The following ASB4 variants were observed in gnomAD, a reference collection of about 807,000 sequenced individuals.
ASB4 encodes the protein ankyrin repeat and SOCS box containing 4, also known as ankyrin repeat and SOCS box protein 4.
ASB4 carries 35 observed loss-of-function variants against 38.6 expected under a neutral mutation model. The observed-to-expected ratio is 0.91, with a 90% CI of 0.69 to 1.20. The LOEUF (loss-of-function observed/expected upper bound fraction) is 1.20. Among genes scored for constraint, ASB4 ranks in the 50% most tolerant of loss-of-function variants. ASB4 has a pLI of 0.00. For synonymous variants in ASB4, 195 were observed against 201.3 expected, an observed-to-expected ratio of 0.97 and a Z score of 0.26; for missense variants, 557 against 527.2, an observed-to-expected ratio of 1.06 and a Z score of -0.55.
the ASB4 span, among the ~76,000 whole-genome samples, chr7:95,545,860 A>T: frequency 6.6e-6 from 1 of 152,230 alleles, no homozygotes; most frequent in Non-Finnish European, 1.5e-5. Flanking sequence ...GCAATGCCAG[A>T]GAAGCCTAAT....
At chr7:95,495,674 T>A in intron 1 of ASB4, 84 bp from the exon 2 acceptor site, 1 of 1,380,744 alleles carries the variant, frequency 7.2e-7, no homozygotes, top group Non-Finnish European at 9.8e-7. Context: ...CAAAATAAAA[T>A]ACTTGTAAAA....
upstream of ASB4, chr7:95,478,357 GAGACCTGGAA>G (rs937146580): frequency 3.9e-5 from 6 of 152,194 alleles, no homozygotes; most frequent in African/African-American, 1.4e-4. Context: ...CAGTTGCTAG[GAGACCTGGAA>G]CACAGAGCTA....
chr7:95,515,368 CTTTCTTTCT>C (rs1322230387), intron 2 of ASB4, among the ~76,000 whole-genome samples: 2 of 71,950 alleles, frequency 2.8e-5, no homozygotes, highest in East Asian at 2.8e-4. Context: ...TCTTTCTTTT[CTTTCTTTCT>C]TTTCTTTTCT....
intron 1 of ASB4, among the ~76,000 whole-genome samples, chr7:95,490,067 A>G (rs149041181): frequency 2.0e-5 from 3 of 152,328 alleles, no homozygotes; most frequent in African/African-American, 7.2e-5. Context: ...TAATCAGGGT[A>G]ATGCACTTTA....
In ASB4 at chr7:95,528,108, G is replaced by T; in HGVS notation, c.783G>T (p.Trp261Cys). 1 of 1,614,202 alleles carries T rather than the reference G, an allele frequency of 6.2e-7. No homozygotes were observed. The highest frequency in any genetic ancestry group is 8.5e-7 in the Non-Finnish European group (1 of 1,180,040). ...DFKSPLHKAAWNCDHVLMHMM... is the reference protein window; with the variant it reads ...DFKSPLHKAACNCDHVLMHMM... ...AATCTCCCCTCCACAAGGCAGCCTG[G>T]AACTGTGACCACGTGCTCATGCACA... Residue 261 changes from tryptophan (W) to cysteine (C), a missense_variant, in exon 3 of 5, where the codon TGG (tryptophan) becomes TGT (cysteine). By Grantham distance (215) the Trp-to-Cys change is radical. Transcript: ENST00000325885.
chr7:95,514,320 A>G (rs1238111024), intron 2 of ASB4, among the ~76,000 whole-genome samples: 4 of 152,114 alleles, frequency 2.6e-5, no homozygotes, highest in Non-Finnish European at 5.9e-5. Flanking sequence ...CCTCTAATAC[A>G]CCATTCCCTG....
In ASB4 at chr7:95,509,244, T is replaced by A. The variant is rs139162949; in HGVS notation, c.487+13187T>A. 8.6e-3 allele frequency among the ~76,000 whole-genome samples: 1,307 copies of A among 152,310 alleles called. 11 individuals carry two copies. Among genetic ancestry groups the A allele is most frequent in the Non-Finnish European group, 0.011 (740 of 68,018 alleles). The stretch of plus-strand genomic sequence containing the variant: ...AAGCCCTAAAGAAGTAGGGGTGTTC[T>A]TTTTATTTATCTTTCCACGAGAATT... On this transcript the variant is annotated intron_variant, in intron 2 of 4. Transcript: ENST00000325885.
At chr7:95,515,811 C>T (rs1014540153) in intron 2 of ASB4, among the ~76,000 whole-genome samples, 10 of 152,226 alleles carry the variant, frequency 6.6e-5, no homozygotes, top group Non-Finnish European at 1.3e-4. Context: ...ATGCTGGCTG[C>T]TCCAGAGATG....
At chr7:95,536,231 T>G (rs1437588009) in intron 3 of ASB4, among the ~76,000 whole-genome samples, 1 of 152,166 alleles carries the variant, frequency 6.6e-6, no homozygotes, top group Non-Finnish European at 1.5e-5. Flanking sequence ...GGTTTTTTTT[T>G]TACAGATAGG....
intron 2 of ASB4, among the ~76,000 whole-genome samples, chr7:95,504,959 C>T (rs925556299): frequency 1.3e-5 from 2 of 152,198 alleles, no homozygotes; most frequent in Non-Finnish European, 2.9e-5. Flanking sequence ...AAAAATCATA[C>T]CACACTTCAG....
chr7:95,549,852 T>C, the ASB4 span, among the ~76,000 whole-genome samples: 1 of 152,152 alleles, frequency 6.6e-6, no homozygotes, highest in East Asian at 1.9e-4. Flanking sequence ...TCCTTCCTTC[T>C]GCTCAAATTT....
At chr7:95,550,887 A>G in the ASB4 span, among the ~76,000 whole-genome samples, 3 of 152,252 alleles carry the variant, frequency 2.0e-5, no homozygotes. Context: ...CCCCTTCCCC[A>G]AAGTTTTCTT....
At chr7:95,550,306 G>T in the ASB4 span, among the ~76,000 whole-genome samples, 9 of 152,132 alleles carry the variant, frequency 5.9e-5, no homozygotes, top group African/African-American at 2.2e-4. Flanking sequence ...TGCCCACAGG[G>T]TTGCACACAC....
chr7:95,485,744 A>G (rs1380156350), upstream of ASB4, among the ~76,000 whole-genome samples: 1 of 152,194 alleles, frequency 6.6e-6, no homozygotes, highest in African/African-American at 2.4e-5. Context: ...GACACTATAT[A>G]TTACTGAATG....
At chr7:95,541,450 T>C (rs1415737941), downstream of ASB4, among the ~76,000 whole-genome samples, 3 of 152,286 alleles carry the variant, frequency 2.0e-5, no homozygotes, top group South Asian at 2.1e-4. Context: ...AGGTGATACA[T>C]TGTAGATTTC....
intron 1 of ASB4, among the ~76,000 whole-genome samples, chr7:95,493,059 A>G (rs1790194726): frequency 6.6e-6 from 1 of 152,188 alleles, no homozygotes; most frequent in African/African-American, 2.4e-5. Context: ...CCCAGCCCAG[A>G]CTGTCTATGA....
chr7:95,488,157 C>T (rs147001148), intron 1 of ASB4, among the ~76,000 whole-genome samples: 1,644 of 152,268 alleles, frequency 0.011, 32 homozygotes, highest in African/African-American at 0.037. Flanking sequence ...CTGCCTAACA[C>T]GGTGAAACCC....
chr7:95,544,164 A>T (rs1166381121), downstream of ASB4: 5 of 152,194 alleles, frequency 3.3e-5, no homozygotes, highest in Admixed American at 6.5e-5. Flanking sequence ...ATCAAAAGCT[A>T]AAGATTTTAA....
At chr7:95,488,593 C>T (rs761276754) in intron 1 of ASB4, among the ~76,000 whole-genome samples, 64 of 152,290 alleles carry the variant, frequency 4.2e-4, no homozygotes, top group Non-Finnish European at 8.2e-4. Context: ...GGACCCATTT[C>T]TGTGTGGCCT....
Sources: gnomAD v4.1 joint callset for allele counts (sites outside exome capture counted in the v4.1 genomes callset) on GRCh38, gnomAD v4.1.1 for gene constraint, MANE v1.5 for transcripts, NCBI Gene and HGNC (gene_info 2026-07-23, HGNC 2026-07-21) for gene names.